The following SLCO1B3 variants were observed in gnomAD, a reference collection of about 807,000 sequenced individuals.
SLCO1B3 encodes liver-specific organic anion transporter 2.
SLCO1B3 carries 72 observed loss-of-function variants against 71.8 expected under a neutral mutation model. That is an observed-to-expected ratio of 1.00 (90% CI 0.83 to 1.22). The LOEUF is 1.22. SLCO1B3 is among the 50% of genes most tolerant of loss of function. The pLI is 0.00. For synonymous variants in SLCO1B3, 298 were observed against 278.4 expected (o/e 1.07, Z -0.70); for missense variants, 911 against 819.7 (o/e 1.11, Z -1.36).
At chr12:20,896,999 G>C (rs1030772489) in intron 13 of SLCO1B3, among the ~76,000 whole-genome samples, 1 of 152,138 alleles carries the variant, frequency 6.6e-6, no homozygotes, top group Non-Finnish European at 1.5e-5. Flanking sequence ...ATTATCATGA[G>C]AACAGCACAG....
At chr12:20,851,016 T>C (rs200256646) in intron 3 of SLCO1B3, among the ~76,000 whole-genome samples, 1 of 152,352 alleles carries the variant, frequency 6.6e-6, no homozygotes, top group East Asian at 1.9e-4. Context: ...CATGAGATGA[T>C]ATCTCATTGT....
At chr12:20,872,159 T>C (rs1334348229) in intron 8 of SLCO1B3, among the ~76,000 whole-genome samples, 1 of 151,864 alleles carries the variant, frequency 6.6e-6, no homozygotes, top group African/African-American at 2.4e-5. Flanking sequence ...TCTCCCTGTG[T>C]CCACCACCAC....
intron 11 of SLCO1B3, 41 bp downstream of exon 11, chr12:20,879,672 C>CCT: frequency 7.8e-7 from 1 of 1,282,884 alleles, no homozygotes; most frequent in Non-Finnish European, 1.1e-6. Context: ...ATATGTTAAC[C>CCT]ATCAAATTAA....
intron 10 of SLCO1B3, among the ~76,000 whole-genome samples, chr12:20,878,826 G>A (rs1865634056): frequency 6.6e-6 from 1 of 152,080 alleles, no homozygotes; most frequent in Non-Finnish European, 1.5e-5. Flanking sequence ...AATCCTGTAT[G>A]TAGACATTTT....
rs1311459396 is a variant in SLCO1B3 at position 20,885,590 on chromosome 12, A to G, written c.1682+1988A>G. Among the ~76,000 whole-genome samples, 4 of 152,156 alleles carry G rather than the reference A, an allele frequency of 2.6e-5. No homozygotes were observed. In the East Asian group the frequency reaches 7.7e-4, roughly 29 times the overall value. On this transcript the variant is annotated intron_variant, in intron 13 of 15. Transcript: ENST00000381545. ...TGCTAGTTCAGATATTGTGAAAGTT[A>G]TATGACAAGAGACCTAAATGAAAAG... is the stretch of plus-strand genomic sequence containing the variant.
intron 1 of SLCO1B3, 129 bp downstream of exon 1, chr12:20,810,893 CT>C (rs1821292747): frequency 6.6e-6 from 1 of 152,134 alleles, no homozygotes; most frequent in Non-Finnish European, 1.5e-5. Context: ...CTTCTCCACA[CT>C]TTTGTTCTGA....
intron 13 of SLCO1B3, among the ~76,000 whole-genome samples, chr12:20,894,174 G>A (rs1013731132): frequency 2.0e-5 from 3 of 152,134 alleles, no homozygotes; most frequent in African/African-American, 4.8e-5. Flanking sequence ...AAATGAAATA[G>A]CACATTTAAC....
intron 15 of SLCO1B3, among the ~76,000 whole-genome samples, chr12:20,915,609 G>A (rs1451654736): frequency 6.6e-6 from 1 of 152,162 alleles, no homozygotes; most frequent in Admixed American, 6.5e-5. Context: ...AGGCGATGAA[G>A]ACAAAGTAGC....
At chr12:20,873,940 T>A (rs1432318056) in intron 8 of SLCO1B3, among the ~76,000 whole-genome samples, 1 of 152,202 alleles carries the variant, frequency 6.6e-6, no homozygotes, top group Non-Finnish European at 1.5e-5. Flanking sequence ...ATTATCTCCT[T>A]CCTTTTTATG....
chr12:20,877,743 T>G (rs771979943), intron 9 of SLCO1B3, 29 bp from the exon 10 acceptor site: 1 of 1,025,744 alleles, frequency 9.7e-7, no homozygotes, highest in Non-Finnish European at 1.3e-6. Flanking sequence ...ATTTTATTAT[T>G]GAAATATGTT....
rs1419584716 is a variant in SLCO1B3, at chr12:20,843,562, C to G, written c.85-11466C>G. On this transcript the variant is annotated intron_variant, in intron 3 of 15. Transcript: ENST00000381545. ...TTGGGAGGCTGACGTGGGTGGATCA[C>G]AAGATCAGGAGATTGAGACCATCCT... 2.6e-5 allele frequency among the ~76,000 whole-genome samples: 4 copies of G among 152,116 alleles called. No homozygotes were observed. In the East Asian group the frequency reaches 7.7e-4, roughly 29 times the overall value.
At chr12:20,887,573 T>G (rs543674017) in intron 13 of SLCO1B3, among the ~76,000 whole-genome samples, 22 of 152,116 alleles carry the variant, frequency 1.4e-4, no homozygotes, top group African/African-American at 4.6e-4. Flanking sequence ...TTTTTTTCCT[T>G]TTTTTATTGA....
chr12:20,882,621 G>C (rs984121158), intron 12 of SLCO1B3, among the ~76,000 whole-genome samples: 3 of 152,016 alleles, frequency 2.0e-5, no homozygotes, highest in Non-Finnish European at 4.4e-5. Flanking sequence ...GACCAGGCTG[G>C]TCGCAAACTC....
chr12:20,867,947 G>T (rs1300409751), intron 8 of SLCO1B3, among the ~76,000 whole-genome samples: 1 of 152,034 alleles, frequency 6.6e-6, no homozygotes, highest in Admixed American at 6.6e-5. Context: ...CAAGAACAGT[G>T]CCTCCCCTTC....
rs187557892 is a variant in SLCO1B3, at chr12:20,896,013, G to A, written c.1683-2423G>A. Among the ~76,000 whole-genome samples, 433 of 152,296 alleles carry A rather than the reference G, an allele frequency of 2.8e-3. 4 individuals carry two copies. The highest frequency in any genetic ancestry group is 9.8e-3 in the African/African-American group (408 of 41,568). On this transcript the variant is annotated intron_variant, in intron 13 of 15. Transcript: ENST00000381545. ...AAGGCACAGCCCAAGCTCTACATTG[G>A]TCCCTTTCAGCCACAGCTGGAGCAG...
chr12:20,829,527 T>C (rs1402461512), intron 3 of SLCO1B3, among the ~76,000 whole-genome samples: 1 of 152,122 alleles, frequency 6.6e-6, no homozygotes, highest in Non-Finnish European at 1.5e-5. Flanking sequence ...TTTTGAGAGA[T>C]CAGGCATTCT....
At chr12:20,888,734 G>A (rs1202281676) in intron 13 of SLCO1B3, among the ~76,000 whole-genome samples, 1 of 151,880 alleles carries the variant, frequency 6.6e-6, no homozygotes, top group South Asian at 2.1e-4. Flanking sequence ...CGTTGAATAC[G>A]AGTAGTGAAA....
intron 5 of SLCO1B3, among the ~76,000 whole-genome samples, chr12:20,860,214 C>G (rs1565592359): frequency 6.6e-6 from 1 of 152,190 alleles, no homozygotes; most frequent in Non-Finnish European, 1.5e-5. Context: ...CTCCACCTCC[C>G]AAAGTGCTGG....
chr12:20,821,687 G>A lies in SLCO1B3; in HGVS notation c.84+5865G>A, dbSNP rs183094950. On this transcript the variant is annotated intron_variant, in intron 3 of 15. Coordinates refer to ENST00000381545, the MANE Select transcript of SLCO1B3 (RefSeq NM_019844.4). ...CAGAGAAGGGGTAGAGACATGGAGAGAAGGGGTTGGGGTACTTGCCCCTCC... is the reference window on the plus strand; with the variant it reads ...CAGAGAAGGGGTAGAGACATGGAGAAAAGGGGTTGGGGTACTTGCCCCTCC... 1.3e-4 allele frequency among the ~76,000 whole-genome samples: 20 copies of A among 152,166 alleles called. No homozygotes were observed. The East Asian group carries it at 3.9e-3, about 30-fold the overall frequency.
Sources: allele counts gnomAD v4.1 joint callset (sites outside exome capture counted in the v4.1 genomes callset), GRCh38; gene constraint gnomAD v4.1.1; transcripts MANE v1.5; gene names NCBI Gene and HGNC (gene_info 2026-07-23, HGNC 2026-07-21).